Variants in RIPOR3 observed in about 807,000 individuals in gnomAD.
RIPOR3 encodes the protein family with sequence similarity 65 member C.
A neutral mutation model predicts 114.3 loss-of-function variants in RIPOR3; 95 were observed. The observed-to-expected ratio is 0.83, with a 90% confidence interval of 0.70 to 0.99. The LOEUF is 0.99. Among genes scored for constraint, RIPOR3 ranks in the 50% least tolerant of loss-of-function variants. RIPOR3 has a pLI of 0.00. For missense variants in RIPOR3, 1,252 were observed against 1,266.9 expected, an observed-to-expected ratio of 0.99 and a Z score of 0.18; for synonymous variants, 575 against 543.8, an observed-to-expected ratio of 1.06 and a Z score of -0.80.
chr20:50,595,843 T>C (rs1332959772), intron 15 of RIPOR3, among the ~76,000 whole-genome samples: 2 of 152,186 alleles, frequency 1.3e-5, no homozygotes, highest in African/African-American at 4.8e-5. Context: ...TTCAGTACCA[T>C]GAGCCGATAA....
Position 50,661,099 on chromosome 20 carries a change from G to A in RIPOR3, c.3+30027C>T, listed in dbSNP as rs555354141. The stretch of plus-strand genomic sequence containing the variant: ...TTAAAAATACAAAAATTAGCTGGGC[G>A]TGGTGGCACATGCCTGTAATCCCAG... On this transcript the variant is annotated intron_variant, in intron 1 of 21. Coordinates refer to ENST00000327979, the MANE Select transcript of RIPOR3 (RefSeq NM_001290268.2). Among the ~76,000 whole-genome samples the A allele has an allele frequency of 1.9e-4, 29 of 152,138 alleles. 2 individuals are homozygous for A. In the South Asian group the frequency reaches 5.6e-3, roughly 29 times the overall value.
At chr20:50,664,119 G>T (rs1172246257) in intron 1 of RIPOR3, among the ~76,000 whole-genome samples, 1 of 152,058 alleles carries the variant, frequency 6.6e-6, no homozygotes, top group Admixed American at 6.6e-5. Flanking sequence ...TAGAGACGGG[G>T]TTTCACCATG....
Position 50,608,523 on chromosome 20 carries a change from C to T in RIPOR3, c.822G>A (p.Leu274=), listed in dbSNP as rs149887193. 1.4e-4 allele frequency: 218 copies of T among 1,613,724 alleles called. 1 individual carries two copies. In the African/African-American group the frequency reaches 2.3e-3, roughly 17 times the overall value. The change falls in exon 11 of 22, where the codon TTG becomes TTA. Residue 274 remains leucine, a synonymous_variant. Transcript: ENST00000327979. Reference sequence around the variant, plus strand: ...CCACAGCCAGCGAGCCCAGGCCCCGCAACTCCGTCACCTGGGGGTGGGGGC... The same window carrying T: ...CCACAGCCAGCGAGCCCAGGCCCCGTAACTCCGTCACCTGGGGGTGGGGGC... ...HENLDIKVTE[L]RGLGSLAVGA...
chr20:50,651,806 C>T (rs2123402332), intron 1 of RIPOR3, among the ~76,000 whole-genome samples: 1 of 152,288 alleles, frequency 6.6e-6, no homozygotes, highest in Admixed American at 6.5e-5. Context: ...CACCAATGCA[C>T]CTGTGTTCTT....
chr20:50,593,472 G>A (rs2083180069), intron 17 of RIPOR3, among the ~76,000 whole-genome samples: 1 of 152,184 alleles, frequency 6.6e-6, no homozygotes, highest in Admixed American at 6.5e-5. Context: ...TCTGGAGGCT[G>A]AGGCAGGAGA....
chr20:50,628,212 C>T (rs955038634), intron 2 of RIPOR3, among the ~76,000 whole-genome samples: 7 of 152,204 alleles, frequency 4.6e-5, no homozygotes, highest in African/African-American at 1.7e-4. Flanking sequence ...AGCACCCACT[C>T]TTTCTGTTCT....
chr20:50,623,268 A>G (rs2084489732), intron 2 of RIPOR3, among the ~76,000 whole-genome samples: 1 of 151,326 alleles, frequency 6.6e-6, no homozygotes, highest in Admixed American at 6.6e-5. Context: ...CTTAAAAAAA[A>G]AAAAAAAAAA....
chr20:50,604,715 C>T lies in RIPOR3; in HGVS notation c.1016G>A (p.Gly339Asp), dbSNP rs2083640015. 1 of 1,609,672 alleles carries T rather than the reference C, an allele frequency of 6.2e-7. No individual in the cohort carries two copies. The highest frequency in any genetic ancestry group is 1.7e-5 in the Admixed American group (1 of 58,804). The change falls in exon 12 of 22, where the codon GGC becomes GAC. Residue 339 changes from glycine (G) to aspartate (D), a missense_variant. Transcript: ENST00000327979. ...SPSPTGKFSM[G>D]SRKGSLYNWT... ...GTTGTACAAGGAGCCCTTCCTGCTG[C>T]CCATAGAAAACTTGCCCGTGGGGCT...
In RIPOR3 at chr20:50,618,870, T is replaced by G. The variant is rs918719313; in HGVS notation, c.269+1116A>C. Among the ~76,000 whole-genome samples the G allele has an allele frequency of 2.6e-5, 4 of 151,466 alleles. No homozygotes were observed. In the East Asian group the frequency reaches 5.9e-4, roughly 22 times the overall value. ...GCAGGCAGATCACTTGAGTCAGGAG[T>G]TCAAGACCAGCCTGGCCAACATGGC... On this transcript the variant is annotated intron_variant, in intron 3 of 21. Coordinates refer to ENST00000327979, the MANE Select transcript of RIPOR3 (RefSeq NM_001290268.2).
At chr20:50,590,330 T>C (rs2122858575) in intron 19 of RIPOR3, among the ~76,000 whole-genome samples, 1 of 152,300 alleles carries the variant, frequency 6.6e-6, no homozygotes, top group African/African-American at 2.4e-5. Flanking sequence ...ATTGTAGGGT[T>C]TGTCAGAAAG....
Position 50,602,162 on chromosome 20 carries a change from C to T in RIPOR3, c.1569G>A (p.Glu523=), listed in dbSNP as rs148677587. 7.9e-5 allele frequency: 127 copies of T among 1,612,952 alleles called. No homozygotes were observed. In the African/African-American group the frequency reaches 1.5e-3, roughly 19 times the overall value. ...PGVALEGPLQ[E]VLELLRPTDS... ...CCGTGGGCCTCAGCAACTCCAGGACCTCCTGCAGAGGCCCCTCGAGGGCCA... is the reference window on the plus strand; with the variant it reads ...CCGTGGGCCTCAGCAACTCCAGGACTTCCTGCAGAGGCCCCTCGAGGGCCA... Residue 523 remains glutamate (E), a synonymous_variant, in exon 13 of 22, where the codon GAG becomes GAA. Transcript: ENST00000327979. This position sits in a 1 kb window ranked among gnomAD's most constrained non-coding sequence, Gnocchi z 4.3.
At chr20:50,604,841 C>T in intron 11 of RIPOR3, 67 bp from the exon 12 acceptor site, 2 of 1,577,068 alleles carry the variant, frequency 1.3e-6, no homozygotes, top group South Asian at 2.3e-5. Context: ...CCAGACGGCC[C>T]ACAGGGCTCT....
chr20:50,642,025 A>C (rs1467966464), intron 1 of RIPOR3, among the ~76,000 whole-genome samples: 8 of 152,142 alleles, frequency 5.3e-5, no homozygotes, highest in Non-Finnish European at 1.2e-4. Flanking sequence ...CTGCTTCCGC[A>C]GAACCTGGCC....
At chr20:50,644,629 A>G (rs954345108) in intron 1 of RIPOR3, among the ~76,000 whole-genome samples, 1 of 142,130 alleles carries the variant, frequency 7.0e-6, no homozygotes, top group Non-Finnish European at 1.5e-5. Context: ...GACTACAGGC[A>G]TGTGCCACCA....
chr20:50,666,422 G>A (rs1303721586), intron 1 of RIPOR3, among the ~76,000 whole-genome samples: 2 of 150,080 alleles, frequency 1.3e-5, no homozygotes, highest in Non-Finnish European at 3.0e-5. Context: ...ATGGGGTTTC[G>A]CCTGTTGCTC....
At chr20:50,678,295 G>A (rs1243069488) in intron 1 of RIPOR3, among the ~76,000 whole-genome samples, 3 of 152,210 alleles carry the variant, frequency 2.0e-5, no homozygotes, top group African/African-American at 7.2e-5. Context: ...CCTGGGGGCT[G>A]GGTGGCCTTG....
intron 1 of RIPOR3, among the ~76,000 whole-genome samples, chr20:50,651,144 C>A (rs560875378): frequency 6.6e-6 from 1 of 152,154 alleles, no homozygotes; most frequent in Admixed American, 6.6e-5. Flanking sequence ...AGGGATTCAG[C>A]GTGAGAGAGA....
At chr20:50,688,016 C>A (rs1361282703) in intron 1 of RIPOR3, among the ~76,000 whole-genome samples, 1 of 151,608 alleles carries the variant, frequency 6.6e-6, no homozygotes, top group South Asian at 2.1e-4. Context: ...ATTTCACTCA[C>A]AGGTAGCAGT....
chr20:50,609,498 C>T, intron 7 of RIPOR3, 75 bp downstream of exon 7: 1 of 1,447,364 alleles, frequency 6.9e-7, no homozygotes, highest in Non-Finnish European at 9.1e-7. Flanking sequence ...CCCCACTGGC[C>T]CAGCTCTCGA....
Sources: allele counts gnomAD v4.1 joint callset (sites outside exome capture counted in the v4.1 genomes callset), GRCh38; gene constraint gnomAD v4.1.1; non-coding constraint Gnocchi (gnomAD v3.1); transcripts MANE v1.5; gene names NCBI Gene and HGNC (gene_info 2026-07-23, HGNC 2026-07-21).